The following CDK8 variants were observed in gnomAD, a reference collection of about 807,000 sequenced individuals.
CDK8 encodes cyclin dependent kinase 8, also known as cyclin-dependent kinase 8.
Under a neutral mutation model 71.5 loss-of-function variants are expected in CDK8, and 29 were observed. That is an observed-to-expected ratio of 0.41 (90% confidence interval 0.30 to 0.55). CDK8 has a LOEUF of 0.55. CDK8 is among the 20% of genes least tolerant of loss of function. The probability of loss-of-function intolerance (pLI) is 0.37; values close to 1 mark genes in which losing one functional copy is unlikely to be tolerated. For missense variants in CDK8, 288 were observed against 572.6 expected (o/e 0.50, Z 5.07); for synonymous variants, 161 against 192.1 (o/e 0.84, Z 1.34).
At position 26,256,255 on chromosome 13, in the gene CDK8, A is replaced by G. The variant is rs185712332; in HGVS notation, c.128+1486A>G. On this transcript the variant is annotated intron_variant, in intron 1 of 12. Transcript: ENST00000381527. ...ATATTGCTGACTCTGTTGTTGTCTA[A>G]TTAGACTTATTGTTGAAGTTTTACT... Among the ~76,000 whole-genome samples the G allele has an allele frequency of 1.6e-4, 24 of 152,322 alleles. No individual in the cohort carries two copies. In the East Asian group the frequency reaches 4.4e-3, roughly 28 times the overall value.
At chr13:26,320,349 A>C (rs1326861658) in intron 1 of CDK8, among the ~76,000 whole-genome samples, 1 of 152,092 alleles carries the variant, frequency 6.6e-6, no homozygotes, top group Non-Finnish European at 1.5e-5. Flanking sequence ...AATTCAGCGC[A>C]GCAGTGAGCT....
chr13:26,374,394 A>G (rs1874849101), intron 4 of CDK8, among the ~76,000 whole-genome samples: 1 of 152,168 alleles, frequency 6.6e-6, no homozygotes, highest in Admixed American at 6.5e-5. Context: ...ACAGTATATT[A>G]AATGTATATA....
At chr13:26,362,419 G>C (rs2138013579) in intron 4 of CDK8, among the ~76,000 whole-genome samples, 2 of 152,262 alleles carry the variant, frequency 1.3e-5, no homozygotes, top group South Asian at 4.1e-4. Flanking sequence ...GAGAATGAGG[G>C]AGCTGATGGC....
Position 26,403,977 on chromosome 13 carries a change from T to C in CDK8, c.1291T>C (p.Tyr431His), listed in dbSNP as rs1289188098. The C allele has an allele frequency of 6.2e-7, 1 of 1,613,348 alleles. No homozygotes were observed. Among genetic ancestry groups the C allele is most frequent in the South Asian group, 1.1e-5 (1 of 91,084 alleles). Reference sequence around the variant, plus strand: ...CCAGCGTTCCAATCCACATGCTGCCTATCCCAACCCTGGACCAAGCACATC... The same window carrying C: ...CCAGCGTTCCAATCCACATGCTGCCCATCCCAACCCTGGACCAAGCACATC... ...DYQRSNPHAA[Y>H]PNPGPSTSQP... Residue 431 changes from tyrosine to histidine, a missense_variant, in exon 13 of 13, where the codon TAT (tyrosine) becomes CAT (histidine). Physicochemically the swap from Tyr to His is moderately conservative, Grantham distance 83. Around this residue, in one of 6 missense-constraint regions of CDK8, gnomAD observed 76 missense variants for 99.7 expected, o/e 0.76. Transcript: ENST00000381527.
At chr13:26,365,137 A>G (rs1028165859) in intron 4 of CDK8, among the ~76,000 whole-genome samples, 3 of 152,214 alleles carry the variant, frequency 2.0e-5, no homozygotes, top group Non-Finnish European at 2.9e-5. Context: ...GGTAGCTAAT[A>G]AAACACATAA....
intron 10 of CDK8, 43 bp downstream of exon 10, chr13:26,400,593 T>G (rs945759739): frequency 3.4e-6 from 4 of 1,168,140 alleles, no homozygotes; most frequent in Non-Finnish European, 5.2e-6. Context: ...GATGGAAGTT[T>G]TGGAGTATGC....
chr13:26,343,152 GA>G (rs1253334922), intron 2 of CDK8, among the ~76,000 whole-genome samples: 1 of 152,124 alleles, frequency 6.6e-6, no homozygotes, highest in Non-Finnish European at 1.5e-5. Flanking sequence ...GATATGCTCT[GA>G]AAAAATGCAT....
chr13:26,400,460 A>G lies in CDK8; in HGVS notation c.941A>G (p.Lys314Arg). The change falls in exon 10 of 13, where the codon AAG becomes AGG. Residue 314 changes from lysine to arginine, a missense_variant. Around this residue, in one of 6 missense-constraint regions of CDK8, gnomAD observed 96 missense variants for 229.8 expected, o/e 0.42. Coordinates refer to ENST00000381527, the MANE Select transcript of CDK8 (RefSeq NM_001260.3). ...PDSKAFHLLQKLLTMDPIKRI... is the reference protein window; with the variant it reads ...PDSKAFHLLQRLLTMDPIKRI... Reference sequence around the variant, plus strand: ...TATGATTTGTGATTTCAGCTTCAGAAGCTGCTTACCATGGACCCAATAAAG... The same window carrying G: ...TATGATTTGTGATTTCAGCTTCAGAGGCTGCTTACCATGGACCCAATAAAG... 2 of 1,606,732 alleles carry G rather than the reference A, an allele frequency of 1.2e-6. No individual in the cohort carries two copies. Among genetic ancestry groups the G allele is most frequent in the Non-Finnish European group, 1.7e-6 (2 of 1,173,326 alleles).
intron 1 of CDK8, among the ~76,000 whole-genome samples, chr13:26,334,003 T>A (rs1872869563): frequency 1.3e-5 from 2 of 152,228 alleles, no homozygotes; most frequent in African/African-American, 4.8e-5. Context: ...TTATATTAGG[T>A]GATTTTCAAG....
In CDK8 at chr13:26,401,244, T is replaced by C; in HGVS notation, c.1032-25T>C. On this transcript the variant is annotated intron_variant, in intron 10 of 12. Transcript: ENST00000381527. The surrounding 1 kb of genome is among the most constrained non-coding windows in gnomAD (Gnocchi z 4.5). Reference sequence around the variant, plus strand: ...GGAATATTGATTAGTATACCAGAAATGGTTTTTCTTTTTCTTATGATCAGC... The same window carrying C: ...GGAATATTGATTAGTATACCAGAAACGGTTTTTCTTTTTCTTATGATCAGC... 1 of 1,565,984 alleles carries C rather than the reference T, an allele frequency of 6.4e-7. No homozygotes were observed. The highest frequency in any genetic ancestry group is 1.4e-5 in the African/African-American group (1 of 73,764).
intron 6 of CDK8, among the ~76,000 whole-genome samples, chr13:26,392,528 A>G (rs976407735): frequency 5.9e-5 from 9 of 151,884 alleles, no homozygotes; most frequent in Admixed American, 6.6e-5. Flanking sequence ...GGATTTAACT[A>G]TGTTGGCCAG....
intron 1 of CDK8, among the ~76,000 whole-genome samples, chr13:26,288,930 A>G (rs1160237911): frequency 1.3e-5 from 2 of 151,670 alleles, no homozygotes; most frequent in African/African-American, 2.4e-5. Context: ...TTTGTACTTA[A>G]GGTAGAGATG....
chr13:26,265,483 G>A (rs1334688330), intron 1 of CDK8, among the ~76,000 whole-genome samples: 2 of 152,196 alleles, frequency 1.3e-5, no homozygotes, highest in Non-Finnish European at 2.9e-5. Context: ...TATAGTGCAG[G>A]TGAGAGAGGT....
intron 4 of CDK8, among the ~76,000 whole-genome samples, chr13:26,372,136 C>G (rs1874721310): frequency 6.6e-6 from 1 of 152,060 alleles, no homozygotes; most frequent in African/African-American, 2.4e-5. Context: ...TTGACAAAGA[C>G]ACAAGTCTGC....
At chr13:26,292,154 G>A (rs1384696612) in intron 1 of CDK8, among the ~76,000 whole-genome samples, 2 of 152,080 alleles carry the variant, frequency 1.3e-5, no homozygotes, top group Admixed American at 1.3e-4. Flanking sequence ...AGTCAACTTG[G>A]GAAATAAAGT....
In CDK8 at chr13:26,304,538, A is replaced by AT. The variant is rs560387924; in HGVS notation, c.129-33021dup. Among the ~76,000 whole-genome samples the AT allele has an allele frequency of 2.1e-3, 312 of 151,792 alleles. 2 individuals are homozygous for AT. The highest frequency in any genetic ancestry group is 6.8e-3 in the African/African-American group (281 of 41,462). Reference sequence around the variant, plus strand: ...GGTTTTTCTAGAGATTAAAACATGCATTTTTTTTAAACTTACCTGTGACTA... The same window carrying AT: ...GGTTTTTCTAGAGATTAAAACATGCATTTTTTTTTAAACTTACCTGTGACTA... On this transcript the variant is annotated intron_variant, in intron 1 of 12. Transcript: ENST00000381527.
intron 1 of CDK8, among the ~76,000 whole-genome samples, chr13:26,282,104 C>T (rs1313222912): frequency 6.6e-6 from 1 of 151,822 alleles, no homozygotes; most frequent in African/African-American, 2.4e-5. Context: ...ATTGGTGGTC[C>T]TGAGGAAGAT....
chr13:26,349,632 T>C (rs529147456), intron 3 of CDK8, among the ~76,000 whole-genome samples: 277 of 152,354 alleles, frequency 1.8e-3, no homozygotes, highest in African/African-American at 6.4e-3. Flanking sequence ...ATTTGTCGTA[T>C]AGCATTAAGC....
intron 1 of CDK8, among the ~76,000 whole-genome samples, chr13:26,336,053 T>C (rs1202745348): frequency 6.6e-6 from 1 of 152,072 alleles, no homozygotes; most frequent in African/African-American, 2.4e-5. Context: ...GTATACAGTA[T>C]CCAGTCTCCC....
Sources: gnomAD v4.1 joint callset for allele counts (sites outside exome capture counted in the v4.1 genomes callset) on GRCh38, gnomAD v4.1.1 for gene constraint, gnomAD v4.1.1 regional missense constraint, Gnocchi (gnomAD v3.1) non-coding constraint, MANE v1.5 for transcripts, NCBI Gene and HGNC (gene_info 2026-07-23, HGNC 2026-07-21) for gene names.